ATAD2B: variants seen among roughly 807,000 people sequenced by gnomAD.
ATAD2B encodes ATPase family AAA domain containing 2B.
A neutral mutation model predicts 167.6 loss-of-function variants in ATAD2B; 40 were observed. The observed-to-expected ratio is 0.24, with a 90% CI of 0.19 to 0.31. ATAD2B has a LOEUF of 0.31. Ranked by LOEUF, ATAD2B falls within the 10% of genes least tolerant of loss-of-function variation. The pLI is 1.00. For synonymous variants in ATAD2B, 579 were observed against 596.5 expected (o/e 0.97, Z 0.43); for missense variants, 1,242 against 1,757.2 (o/e 0.71, Z 5.24).
At chr2:23,785,989 A>C in intron 21 of ATAD2B, 38 bp downstream of exon 21, 1 of 1,519,760 alleles carries the variant, frequency 6.6e-7, no homozygotes, top group Non-Finnish European at 8.8e-7. Context: ...TCTTTTAGCC[A>C]GTTCAACTTC....
At chr2:23,844,268 A>G (rs1274123538) in intron 13 of ATAD2B, among the ~76,000 whole-genome samples, 3 of 152,152 alleles carry the variant, frequency 2.0e-5, no homozygotes, top group Non-Finnish European at 4.4e-5. Flanking sequence ...GATTCCAAAG[A>G]ATCAAACTGT....
At chr2:23,904,385 C>A (rs1051365333) in intron 1 of ATAD2B, among the ~76,000 whole-genome samples, 5 of 152,036 alleles carry the variant, frequency 3.3e-5, no homozygotes, top group African/African-American at 1.2e-4. Flanking sequence ...TCTGACAGGG[C>A]AATGTCTGTG....
At chr2:23,909,456 A>G (rs1213192517) in intron 1 of ATAD2B, among the ~76,000 whole-genome samples, 1 of 151,754 alleles carries the variant, frequency 6.6e-6, no homozygotes, top group Non-Finnish European at 1.5e-5. Flanking sequence ...ATATATACAC[A>G]CACACACACA....
chr2:23,890,957 G>A (rs1699387619), intron 2 of ATAD2B, among the ~76,000 whole-genome samples: 1 of 151,832 alleles, frequency 6.6e-6, no homozygotes, highest in Non-Finnish European at 1.5e-5. Context: ...TTATAAAAGG[G>A]AGACTGAAAA....
chr2:23,880,279 T>TAA (rs1000865180), intron 7 of ATAD2B, among the ~76,000 whole-genome samples: 1 of 151,436 alleles, frequency 6.6e-6, no homozygotes, highest in African/African-American at 2.4e-5. Flanking sequence ...GTATATGTAG[T>TAA]AAAAAAAAAT....
the ATAD2B span, among the ~76,000 whole-genome samples, chr2:23,692,182 G>A: frequency 6.6e-6 from 1 of 152,266 alleles, no homozygotes; most frequent in African/African-American, 2.4e-5. Flanking sequence ...TGCTCTGTTT[G>A]TGGGGAAAGG....
chr2:23,718,464 G>C, the ATAD2B span, among the ~76,000 whole-genome samples: 352 of 152,246 alleles, frequency 2.3e-3, 2 homozygotes, highest in Non-Finnish European at 3.9e-3. Flanking sequence ...TGGAGAAAGC[G>C]GTCCTTCCAA....
intron 1 of ATAD2B, 25 bp from the exon 2 acceptor site, chr2:23,895,995 T>C (rs374832396): frequency 6.0e-5 from 95 of 1,579,066 alleles, no homozygotes; most frequent in Non-Finnish European, 7.4e-5. Flanking sequence ...TAAAAATGTA[T>C]TTATTATTCC....
At chr2:23,682,982 C>A in the ATAD2B span, among the ~76,000 whole-genome samples, 2 of 152,252 alleles carry the variant, frequency 1.3e-5, no homozygotes, top group African/African-American at 4.8e-5. This position sits in a 1 kb window ranked among gnomAD's most constrained non-coding sequence, Gnocchi z 4.1. Context: ...CCACCGTCTT[C>A]CTTGGTCTTC....
chr2:23,876,214 G>C (rs143627421), intron 7 of ATAD2B, among the ~76,000 whole-genome samples: 1 of 150,268 alleles, frequency 6.7e-6, no homozygotes, highest in Non-Finnish European at 1.5e-5. Flanking sequence ...GGATGGTCTC[G>C]ATCTCCTGAC....
chr2:23,813,201 T>G (rs1424900759), intron 17 of ATAD2B, among the ~76,000 whole-genome samples: 1 of 151,722 alleles, frequency 6.6e-6, no homozygotes, highest in Non-Finnish European at 1.5e-5. Flanking sequence ...TAGGAAATGA[T>G]TAATTGTAAT....
chr2:23,911,775 G>A (rs999237049), intron 1 of ATAD2B, among the ~76,000 whole-genome samples: 8 of 152,062 alleles, frequency 5.3e-5, no homozygotes, highest in African/African-American at 1.9e-4. Context: ...AGGAGTTCGA[G>A]AGCAGCCTGG....
chr2:23,860,149 G>A (rs1694121290), intron 12 of ATAD2B, among the ~76,000 whole-genome samples: 1 of 151,954 alleles, frequency 6.6e-6, no homozygotes, highest in African/African-American at 2.4e-5. Context: ...TTCTGCTATG[G>A]ATGCTGTCTT....
At chr2:23,804,705 T>A (rs573827255) in intron 18 of ATAD2B, among the ~76,000 whole-genome samples, 91 of 150,650 alleles carry the variant, frequency 6.0e-4, no homozygotes, top group African/African-American at 2.0e-3. Context: ...AACATCAATA[T>A]ATAGTTCACT....
chr2:23,872,263 C>A, intron 8 of ATAD2B: 1 of 459,574 alleles, frequency 2.2e-6, no homozygotes, highest in Non-Finnish European at 4.2e-6. Context: ...TAGCTAAGAG[C>A]AGGAAGCCAC....
chr2:23,877,900 T>A (rs12988200), intron 7 of ATAD2B, among the ~76,000 whole-genome samples: 109,630 of 149,118 alleles, frequency 0.74, 40,555 homozygotes, highest in East Asian at 0.85. Flanking sequence ...TACAAAAAAA[T>A]TTTTTTTTAA....
chr2:23,782,438 C>T (rs1360721881), intron 22 of ATAD2B, among the ~76,000 whole-genome samples: 2 of 152,130 alleles, frequency 1.3e-5, no homozygotes, highest in African/African-American at 4.8e-5. Flanking sequence ...AACACAGTTA[C>T]ATAGAAATCC....
intron 18 of ATAD2B, among the ~76,000 whole-genome samples, chr2:23,807,801 G>T: frequency 8.7e-6 from 1 of 115,088 alleles, no homozygotes; most frequent in Non-Finnish European, 1.7e-5. Flanking sequence ...GGGCAACAGA[G>T]CGTGACTCCA....
chr2:23,762,419 C>G, intron 23 of ATAD2B, 73 bp from the exon 24 acceptor site: 1 of 1,466,790 alleles, frequency 6.8e-7, no homozygotes, highest in Non-Finnish European at 9.1e-7. Context: ...TTAAAAAAAT[C>G]TCAAATACAA....
Sources: allele counts gnomAD v4.1 joint callset (sites outside exome capture counted in the v4.1 genomes callset), GRCh38; gene constraint gnomAD v4.1.1; non-coding constraint Gnocchi (gnomAD v3.1); transcripts MANE v1.5; gene names NCBI Gene and HGNC (gene_info 2026-07-23, HGNC 2026-07-21).